Variants in IL22RA2 observed in about 807,000 individuals in gnomAD.
The protein encoded by IL22RA2 is interleukin 22 receptor subunit alpha 2, also known as interleukin-22 receptor subunit alpha-2.
In IL22RA2, 39 loss-of-function variants were observed where a neutral mutation model predicts 30.7. The observed-to-expected ratio is 1.27, with a 90% CI of 0.98 to 1.66. The LOEUF (loss-of-function observed/expected upper bound fraction) is 1.66. Ranked by LOEUF, IL22RA2 falls within the 40% of genes most tolerant of loss-of-function variation. The pLI is 0.00. For synonymous variants in IL22RA2, 103 were observed against 105.0 expected (o/e 0.98, Z 0.11); for missense variants, 315 against 312.7 (o/e 1.01, Z -0.05).
intron 3 of IL22RA2, among the ~76,000 whole-genome samples, chr6:137,157,625 A>G (rs1456634982): frequency 1.3e-5 from 2 of 151,974 alleles, no homozygotes; most frequent in African/African-American, 4.8e-5. Context: ...TGAAAGCTAA[A>G]CTGTAATATC....
chr6:137,148,036 T>C (rs1480707139), intron 5 of IL22RA2, 145 bp from the exon 6 acceptor site: 7 of 669,722 alleles, frequency 1.0e-5, no homozygotes, highest in Non-Finnish European at 1.8e-5. Flanking sequence ...ATCATGCCAC[T>C]GCACTATAGC....
At chr6:137,158,882 A>C (rs1171794413) in intron 2 of IL22RA2, among the ~76,000 whole-genome samples, 1 of 152,204 alleles carries the variant, frequency 6.6e-6, no homozygotes, top group Non-Finnish European at 1.5e-5. Flanking sequence ...CTCAAGCAAA[A>C]TTTGCTAGTG....
Position 137,156,796 on chromosome 6 carries a change from T to C in IL22RA2, c.256A>G (p.Ile86Val). Residue 86 changes from isoleucine (I) to valine (V), a missense_variant, in exon 4 of 7, where the codon ATT becomes GTT. Physicochemically the swap from Ile to Val is conservative, Grantham distance 29. Coordinates refer to ENST00000296980, the MANE Select transcript of IL22RA2 (RefSeq NM_052962.3). ...CTGCAGCCTGGGAAGTTACAAGAAATGTGCTGCCAGCATCCACTTGGCTTC... is the reference window on the plus strand; with the variant it reads ...CTGCAGCCTGGGAAGTTACAAGAAACGTGCTGCCAGCATCCACTTGGCTTC... ...HQKPSGCWQH[I>V]SCNFPGCRTL... 1 of 1,613,900 alleles carries C rather than the reference T, an allele frequency of 6.2e-7. No homozygotes were observed. The highest frequency in any genetic ancestry group is 8.5e-7 in the Non-Finnish European group (1 of 1,179,808).
rs185208638 is a variant in IL22RA2, at chr6:137,158,543, G to A, written c.62-61C>T. 7.7e-6 allele frequency: 12 copies of A among 1,553,842 alleles called. No homozygotes were observed. The Admixed American group carries it at 1.4e-4, about 18-fold the overall frequency. ...GCTTGGAGCACTGCTGTTCCCAGCAGTAGTTTTCAGTGGAATACCTGCATC... is the reference window on the plus strand; with the variant it reads ...GCTTGGAGCACTGCTGTTCCCAGCAATAGTTTTCAGTGGAATACCTGCATC... On this transcript the variant is annotated intron_variant, in intron 2 of 6. Transcript: ENST00000296980.
intron 2 of IL22RA2, 134 bp downstream of exon 2, chr6:137,161,555 C>A: frequency 1.4e-6 from 1 of 701,824 alleles, no homozygotes; most frequent in Admixed American, 2.3e-5. Flanking sequence ...CCCATGCCTG[C>A]TCTGATCATT....
At chr6:137,152,335 G>T (rs906902144) in intron 5 of IL22RA2, among the ~76,000 whole-genome samples, 8 of 152,232 alleles carry the variant, frequency 5.3e-5, no homozygotes, top group Middle Eastern at 3.4e-3. Context: ...TCTATCAACT[G>T]AAGAAAGGAT....
At chr6:137,151,691 T>A (rs2114357791) in intron 5 of IL22RA2, among the ~76,000 whole-genome samples, 1 of 152,270 alleles carries the variant, frequency 6.6e-6, no homozygotes, top group Non-Finnish European at 1.5e-5. Flanking sequence ...TAAAGAACCC[T>A]TACAACTCAA....
At chr6:137,164,156 A>G (rs1778581721) in intron 1 of IL22RA2, among the ~76,000 whole-genome samples, 1 of 152,218 alleles carries the variant, frequency 6.6e-6, no homozygotes. Flanking sequence ...AACTTTAAAA[A>G]AAGTTTTAAT....
At position 137,147,694 on chromosome 6, in the gene IL22RA2, C is replaced by T. The variant is rs773214217; in HGVS notation, c.642+28G>A. 3 of 1,461,922 alleles carry T rather than the reference C, an allele frequency of 2.1e-6. 1 individual carries two copies. Among genetic ancestry groups the T allele is most frequent in the South Asian group, 2.6e-5 (2 of 77,774 alleles). The allele number at this position is 1,461,922 out of a possible 1,614,324, so 90.6% of individuals were successfully genotyped here. A position where few individuals can be genotyped will look rare whatever the true frequency, so the allele number is the denominator to read the frequency against. On this transcript the variant is annotated intron_variant, in intron 6 of 6. Coordinates refer to ENST00000296980, the MANE Select transcript of IL22RA2 (RefSeq NM_052962.3). ...GTTAAATAAACAAAAGAAAAAAACTCTAAATATATCTATTCATCTGAACTT... is the reference window on the plus strand; with the variant it reads ...GTTAAATAAACAAAAGAAAAAAACTTTAAATATATCTATTCATCTGAACTT...
rs370800045 is a variant in IL22RA2 at position 137,145,630 on chromosome 6, A to G, written c.786T>C (p.Ile262=). The change falls in exon 7 of 7, where the codon ATT becomes ATC. Residue 262 remains isoleucine (I), a synonymous_variant. Coordinates refer to ENST00000296980, the MANE Select transcript of IL22RA2 (RefSeq NM_052962.3). ...SQRSEERCVE[I]P ...GAATGCCAAATTCCACAAGTCATGG[A>G]ATTTCCACACATCTCTCTTCACTTC... 1.2e-6 allele frequency: 2 copies of G among 1,606,034 alleles called. No individual in the cohort carries two copies. Among genetic ancestry groups the G allele is most frequent in the Non-Finnish European group, 1.7e-6 (2 of 1,175,926 alleles).
At chr6:137,164,131 G>C (rs1208408407) in intron 1 of IL22RA2, among the ~76,000 whole-genome samples, 1 of 152,218 alleles carries the variant, frequency 6.6e-6, no homozygotes, top group Non-Finnish European at 1.5e-5. Context: ...TATTCCACTG[G>C]AGTGCGTGCT....
rs898002479 is a variant in IL22RA2 at position 137,147,929 on chromosome 6, G to A, written c.473-38C>T. 5 of 1,548,876 alleles carry A rather than the reference G, an allele frequency of 3.2e-6. No individual in the cohort carries two copies. In the African/African-American group the frequency reaches 4.1e-5, roughly 13 times the overall value. ...CATAAAAATTTGACAAATCATCAAA[G>A]GAATGTATTATATACAGACGCATTA... is the stretch of plus-strand genomic sequence containing the variant. On this transcript the variant is annotated intron_variant, in intron 5 of 6. Transcript: ENST00000296980.
At chr6:137,162,199 G>A (rs1344290732) in intron 1 of IL22RA2, among the ~76,000 whole-genome samples, 1 of 152,198 alleles carries the variant, frequency 6.6e-6, no homozygotes, top group Non-Finnish European at 1.5e-5. Context: ...GTGATTTTGA[G>A]TAATGTGCTT....
chr6:137,152,546 C>A (rs995859066), intron 5 of IL22RA2, among the ~76,000 whole-genome samples: 3 of 152,014 alleles, frequency 2.0e-5, no homozygotes. Context: ...GGGCTGAGGG[C>A]TAAGGGAATG....
At chr6:137,145,905 C>A in intron 6 of IL22RA2, 132 bp from the exon 7 acceptor site, 1 of 935,426 alleles carries the variant, frequency 1.1e-6, no homozygotes, top group Admixed American at 2.3e-5. Context: ...CCAGACACAT[C>A]CTTCTTTTCT....
intron 1 of IL22RA2, among the ~76,000 whole-genome samples, chr6:137,162,270 T>C (rs1442704010): frequency 1.3e-5 from 2 of 152,192 alleles, no homozygotes; most frequent in Non-Finnish European, 2.9e-5. Context: ...CTATCGTTGA[T>C]TCACTCTTTT....
At chr6:137,148,006 C>A (rs966648614) in intron 5 of IL22RA2, 115 bp from the exon 6 acceptor site, 3 of 922,672 alleles carry the variant, frequency 3.3e-6, no homozygotes, top group Non-Finnish European at 5.0e-6. Context: ...CCAGGGAGGC[C>A]GAGGCTGCAG....
intron 5 of IL22RA2, among the ~76,000 whole-genome samples, chr6:137,151,208 GCA>G (rs1391286239): frequency 4.6e-5 from 7 of 152,110 alleles, no homozygotes; most frequent in Non-Finnish European, 1.0e-4. Context: ...TGTGGTATGG[GCA>G]CAATGATGAA....
chr6:137,160,196 G>A (rs756088737), intron 2 of IL22RA2, among the ~76,000 whole-genome samples: 14 of 152,230 alleles, frequency 9.2e-5, no homozygotes, highest in Non-Finnish European at 1.6e-4. Context: ...CATGAAGATA[G>A]ATGGCTTAAT....
Sources: gnomAD v4.1 joint callset for allele counts (sites outside exome capture counted in the v4.1 genomes callset) on GRCh38, gnomAD v4.1.1 for gene constraint, MANE v1.5 for transcripts, NCBI Gene and HGNC (gene_info 2026-07-23, HGNC 2026-07-21) for gene names.